Variants in GNG7 observed in about 807,000 individuals in gnomAD.
The protein encoded by GNG7 is guanine nucleotide-binding protein G(I)/G(S)/G(O) subunit gamma-7.
In GNG7, 1 loss-of-function variant was observed where a neutral mutation model predicts 4.0. The ratio of observed to expected loss-of-function variants is 0.25; its 90% confidence interval spans 0.09 to 1.18. The LOEUF (loss-of-function observed/expected upper bound fraction) is 1.18, where lower values mean the gene tolerates loss of function less well. GNG7 is among the 50% of genes most tolerant of loss of function. The probability of loss-of-function intolerance (pLI) is 0.50; values close to 1 mark genes in which losing one functional copy is unlikely to be tolerated. For missense variants in GNG7, 86 were observed against 91.9 expected, an observed-to-expected ratio of 0.94 and a Z score of 0.26; for synonymous variants, 34 against 36.9, an observed-to-expected ratio of 0.92 and a Z score of 0.29.
At chr19:2,568,270 CACAT>C (rs1342445807) in intron 2 of GNG7, among the ~76,000 whole-genome samples, 1 of 148,172 alleles carries the variant, frequency 6.7e-6, no homozygotes, top group Non-Finnish European at 1.5e-5. Flanking sequence ...CATATAGAGA[CACAT>C]ATAGACTTAC....
intron 3 of GNG7, among the ~76,000 whole-genome samples, chr19:2,532,841 T>G (rs1306999800): frequency 1.3e-5 from 2 of 152,194 alleles, no homozygotes; most frequent in Admixed American, 6.6e-5. Flanking sequence ...CATCCATTAC[T>G]GACAGGAATG....
At chr19:2,637,307 G>C (rs1024482042) in intron 2 of GNG7, among the ~76,000 whole-genome samples, 2 of 152,070 alleles carry the variant, frequency 1.3e-5, no homozygotes, top group Admixed American at 6.5e-5. Flanking sequence ...CACGGTGCTG[G>C]TTTTGTCATC....
intron 1 of GNG7, among the ~76,000 whole-genome samples, chr19:2,657,399 T>TATATATATATATATATAC (rs1332253018): frequency 2.5e-5 from 2 of 80,740 alleles, no homozygotes; most frequent in African/African-American, 6.2e-5. Flanking sequence ...TATATATATA[T>TATATATATATATATATAC]ACACATAATA....
At chr19:2,673,129 C>T (rs529959425) in intron 1 of GNG7, among the ~76,000 whole-genome samples, 26 of 151,858 alleles carry the variant, frequency 1.7e-4, no homozygotes, top group African/African-American at 5.5e-4. Context: ...TGGCAGCGGG[C>T]GCCTGTAGTC....
Position 2,523,529 on chromosome 19 carries a change from ATAAT to A in GNG7, c.-37-2808_-37-2805del, listed in dbSNP as rs1978320933. On this transcript the variant is annotated intron_variant, in intron 3 of 4. Transcript: ENST00000382159. ...TTAGTGAGACCCCATCTCTGAATAA[ATAAT>A]AAAAGGGCAACACGAATGATCCCTG... Among the ~76,000 whole-genome samples, 3 of 152,036 alleles carry A rather than the reference ATAAT, an allele frequency of 2.0e-5. No individual in the cohort carries two copies. The South Asian group carries it at 6.2e-4, about 32-fold the overall frequency.
Position 2,684,223 on chromosome 19 carries a change from T to G in GNG7, c.-135+18423A>C, listed in dbSNP as rs533137194. Among the ~76,000 whole-genome samples, 19 of 147,982 alleles carry G rather than the reference T, an allele frequency of 1.3e-4. No individual in the cohort carries two copies. In the East Asian group the frequency reaches 3.7e-3, roughly 29 times the overall value. Reference sequence around the variant, plus strand: ...GCGATCTCGGCTCACTGCAAGCTCCTCCTCCTGGGTTCAAGCAATTCTCCT... The same window carrying G: ...GCGATCTCGGCTCACTGCAAGCTCCGCCTCCTGGGTTCAAGCAATTCTCCT... On this transcript the variant is annotated intron_variant, in intron 1 of 4. Coordinates refer to ENST00000382159, the MANE Select transcript of GNG7 (RefSeq NM_052847.3).
At chr19:2,515,920 TTA>T (rs374150178) in intron 4 of GNG7, among the ~76,000 whole-genome samples, 251 of 151,862 alleles carry the variant, frequency 1.7e-3, no homozygotes, top group African/African-American at 5.5e-3. Context: ...GTGGTAAACT[TTA>T]TATGTGTCTT....
intron 1 of GNG7, among the ~76,000 whole-genome samples, chr19:2,691,899 C>T (rs1913144155): frequency 6.6e-6 from 1 of 151,392 alleles, no homozygotes; most frequent in African/African-American, 2.4e-5. Context: ...GGGAAATTTC[C>T]ACGGACACCC....
chr19:2,520,799 T>C, intron 3 of GNG7, 74 bp from the exon 4 acceptor site: 1 of 664,500 alleles, frequency 1.5e-6, no homozygotes, highest in South Asian at 1.7e-5. Context: ...CGCCCGGCCT[T>C]GGCTCAACCT....
At chr19:2,560,293 C>T (rs549803213) in intron 2 of GNG7, among the ~76,000 whole-genome samples, 1 of 152,190 alleles carries the variant, frequency 6.6e-6, no homozygotes, top group Non-Finnish European at 1.5e-5. Flanking sequence ...GAGGGCCTGG[C>T]CGTGGCAGGA....
intron 1 of GNG7, among the ~76,000 whole-genome samples, chr19:2,673,745 G>A (rs113431508): frequency 2.6e-5 from 4 of 151,840 alleles, no homozygotes; most frequent in African/African-American, 9.7e-5. Context: ...TGTAAATAAA[G>A]TGTGGAGTTG....
chr19:2,682,274 G>C (rs1983757711), intron 1 of GNG7, among the ~76,000 whole-genome samples: 1 of 152,122 alleles, frequency 6.6e-6, no homozygotes, highest in African/African-American at 2.4e-5. Context: ...AAGGAAGCCG[G>C]AGTTTTACCT....
rs1599420136 is a variant in GNG7 at position 2,609,300 on chromosome 19, C to T, written c.-78+36924G>A. 2.0e-5 allele frequency among the ~76,000 whole-genome samples: 3 copies of T among 152,194 alleles called. No homozygotes were observed. Among genetic ancestry groups the T allele is most frequent in the Non-Finnish European group, 1.5e-5 (1 of 68,040 alleles). ...TCAGTGTCCTGTGGAGCTGGGACTA[C>T]AGGCACGTACCACCCCACCCAGCTA... On this transcript the variant is annotated intron_variant, in intron 2 of 4. Coordinates refer to ENST00000382159, the MANE Select transcript of GNG7 (RefSeq NM_052847.3). This position sits in a 1 kb window ranked among gnomAD's most constrained non-coding sequence, Gnocchi z 4.4.
chr19:2,684,338 T>A (rs1983818517), intron 1 of GNG7, among the ~76,000 whole-genome samples: 1 of 151,624 alleles, frequency 6.6e-6, no homozygotes, highest in African/African-American at 2.4e-5. Context: ...GGTTTCACCA[T>A]GTTGGCCAGG....
intron 4 of GNG7, among the ~76,000 whole-genome samples, chr19:2,519,543 G>A (rs1259653396): frequency 2.0e-5 from 3 of 151,104 alleles, no homozygotes; most frequent in Non-Finnish European, 2.9e-5. Context: ...CTCCTGCCTC[G>A]GCCTCCCAAT....
At chr19:2,541,820 C>T (rs552189055) in intron 3 of GNG7, among the ~76,000 whole-genome samples, 4 of 151,438 alleles carry the variant, frequency 2.6e-5, no homozygotes, top group East Asian at 1.9e-4. Context: ...GAGGCTGAGG[C>T]GGGAGGATGG....
At chr19:2,641,148 G>C (rs1489335369) in intron 2 of GNG7, among the ~76,000 whole-genome samples, 2 of 152,216 alleles carry the variant, frequency 1.3e-5, no homozygotes, top group Non-Finnish European at 2.9e-5. Flanking sequence ...GCGATGGCCA[G>C]AGTTGCGCCC....
chr19:2,602,855 T>G (rs1981243275), intron 2 of GNG7, among the ~76,000 whole-genome samples: 1 of 152,138 alleles, frequency 6.6e-6, no homozygotes, highest in East Asian at 1.9e-4. Context: ...CAAGGAAAGA[T>G]GCGCTACCCA....
chr19:2,700,866 T>C (rs1460411560), intron 1 of GNG7: 1 of 152,118 alleles, frequency 6.6e-6, no homozygotes, highest in East Asian at 1.9e-4. Context: ...GGAACAAGTT[T>C]GTGAACTTGG....
Sources: gnomAD v4.1 joint callset for allele counts (sites outside exome capture counted in the v4.1 genomes callset) on GRCh38, gnomAD v4.1.1 for gene constraint, Gnocchi (gnomAD v3.1) non-coding constraint, MANE v1.5 for transcripts, NCBI Gene and HGNC (gene_info 2026-07-23, HGNC 2026-07-21) for gene names.